Variants in EPHA6 observed in about 807,000 individuals in gnomAD.
EPHA6 encodes the protein ephrin type-A receptor 6.
EPHA6 carries 50 observed loss-of-function variants against 112.0 expected under a neutral mutation model. The ratio of observed to expected loss-of-function variants is 0.45; its 90% CI spans 0.36 to 0.56. The LOEUF (loss-of-function observed/expected upper bound fraction) is 0.56, where lower values mean the gene tolerates loss of function less well. Ranked by LOEUF, EPHA6 falls within the 20% of genes least tolerant of loss-of-function variation. The pLI is 0.00. For synonymous variants in EPHA6, 529 were observed against 490.7 expected (o/e 1.08, Z -1.03); for missense variants, 1,280 against 1,417.4 (o/e 0.90, Z 1.56).
intron 11 of EPHA6, among the ~76,000 whole-genome samples, chr3:97,543,941 T>G (rs1228732129): frequency 6.6e-6 from 1 of 152,244 alleles, no homozygotes; most frequent in African/African-American, 2.4e-5. Flanking sequence ...ACATTGATTT[T>G]GTATCCTGAG....
At chr3:97,513,384 C>A (rs1410987317) in intron 10 of EPHA6, among the ~76,000 whole-genome samples, 2 of 152,190 alleles carry the variant, frequency 1.3e-5, no homozygotes. Context: ...ATAGTTTATT[C>A]ACTATTCACA....
chr3:97,557,766 T>G (rs1296597866), intron 11 of EPHA6, among the ~76,000 whole-genome samples: 1 of 151,948 alleles, frequency 6.6e-6, no homozygotes, highest in East Asian at 1.9e-4. Context: ...CACAGGAGTT[T>G]CCATTCTCCT....
intron 10 of EPHA6, among the ~76,000 whole-genome samples, chr3:97,498,573 A>G (rs995107242): frequency 2.6e-5 from 4 of 152,134 alleles, no homozygotes; most frequent in Non-Finnish European, 4.4e-5. Flanking sequence ...CTTATATTTG[A>G]TGTATTGGCC....
At chr3:97,566,018 C>CAAAA (rs59606297) in intron 11 of EPHA6, among the ~76,000 whole-genome samples, 2 of 81,718 alleles carry the variant, frequency 2.4e-5, no homozygotes. Context: ...GACACCGTCT[C>CAAAA]AAAAAAAAAA....
intron 6 of EPHA6, among the ~76,000 whole-genome samples, chr3:97,418,054 G>A (rs948623316): frequency 2.6e-5 from 4 of 151,844 alleles, no homozygotes; most frequent in Non-Finnish European, 4.4e-5. Flanking sequence ...TGTTTGAAAA[G>A]TTTAAAAAAT....
intron 1 of EPHA6, among the ~76,000 whole-genome samples, chr3:96,817,250 T>G (rs1242762026): frequency 6.6e-6 from 1 of 151,918 alleles, no homozygotes. Context: ...GAGTAGAAAT[T>G]TTTCCTGATA....
At chr3:96,913,146 TAGTG>T (rs2039302015) in intron 2 of EPHA6, among the ~76,000 whole-genome samples, 1 of 137,818 alleles carries the variant, frequency 7.3e-6, no homozygotes, top group Non-Finnish European at 1.5e-5. Context: ...CTGGGCAACA[TAGTG>T]AGACCCCGTC....
At chr3:97,149,029 TGTGACTTTGACA>T (rs1347341715) in intron 3 of EPHA6, among the ~76,000 whole-genome samples, 2 of 152,120 alleles carry the variant, frequency 1.3e-5, no homozygotes, top group Non-Finnish European at 2.9e-5. Flanking sequence ...TATCTCACGC[TGTGACTTTGACA>T]GTCAGACTGG....
At chr3:97,185,181 A>G (rs1345187170) in intron 3 of EPHA6, among the ~76,000 whole-genome samples, 1 of 152,234 alleles carries the variant, frequency 6.6e-6, no homozygotes. Context: ...TAAAACACCA[A>G]CAGCAATGGC....
chr3:97,513,319 T>C (rs1034284813), intron 10 of EPHA6, among the ~76,000 whole-genome samples: 11 of 152,196 alleles, frequency 7.2e-5, no homozygotes, highest in African/African-American at 2.7e-4. Flanking sequence ...AGGAAATGAA[T>C]TCAGTATGTC....
chr3:97,557,357 C>T (rs1245735935), intron 11 of EPHA6, among the ~76,000 whole-genome samples: 1 of 151,854 alleles, frequency 6.6e-6, no homozygotes, highest in Non-Finnish European at 1.5e-5. Context: ...TGTGAGATGC[C>T]TGGCATTATT....
rs180999354 is a variant in EPHA6 at position 97,501,293 on chromosome 3, A to T, written c.2200+17234A>T. Among the ~76,000 whole-genome samples the T allele has an allele frequency of 1.9e-3, 286 of 151,518 alleles. 6 individuals are homozygous for T. Among genetic ancestry groups the T allele is most frequent in the African/African-American group, 6.6e-3 (271 of 40,888 alleles). ...TATAGAGATTGAGTAAAGCTGGAAG[A>T]TCTGAATGATACAATTTAAAAATTC... On this transcript the variant is annotated intron_variant, in intron 10 of 17. Coordinates refer to ENST00000389672, the MANE Select transcript of EPHA6 (RefSeq NM_001080448.3).
intron 3 of EPHA6, among the ~76,000 whole-genome samples, chr3:97,090,261 C>T (rs1430583099): frequency 6.6e-6 from 1 of 151,728 alleles, no homozygotes; most frequent in African/African-American, 2.4e-5. Flanking sequence ...GTTATTTTGA[C>T]AAGGATGTTT....
rs192529523 is a variant in EPHA6, at chr3:97,477,308, C to T, written c.2003+1848C>T. On this transcript the variant is annotated intron_variant, in intron 8 of 17. Transcript: ENST00000389672. ...TGATTATAAAAAATAAACAAAACCC[C>T]TAAACATCCTGGTGGAGGTCTAAGT... Among the ~76,000 whole-genome samples the T allele has an allele frequency of 9.0e-4, 137 of 152,194 alleles. 1 individual carries two copies. The highest frequency in any genetic ancestry group is 6.8e-3 in the Middle Eastern group (2 of 294).
intron 16 of EPHA6, among the ~76,000 whole-genome samples, chr3:97,743,312 T>C (rs1487560279): frequency 1.3e-5 from 2 of 152,088 alleles, no homozygotes; most frequent in African/African-American, 2.4e-5. Flanking sequence ...ACTCCTATAA[T>C]GTTTTCAGCA....
At chr3:97,740,166 A>G (rs2107870206) in intron 16 of EPHA6, among the ~76,000 whole-genome samples, 1 of 151,700 alleles carries the variant, frequency 6.6e-6, no homozygotes, top group South Asian at 2.1e-4. Context: ...CCTCACCCAC[A>G]TTGTCCTACA....
intron 6 of EPHA6, among the ~76,000 whole-genome samples, chr3:97,419,089 G>T (rs1197966832): frequency 2.6e-5 from 4 of 152,126 alleles, no homozygotes; most frequent in Non-Finnish European, 4.4e-5. Flanking sequence ...CGAATCACCT[G>T]AGTTCGGGAG....
intron 11 of EPHA6, among the ~76,000 whole-genome samples, chr3:97,561,140 A>G (rs1042082050): frequency 2.0e-5 from 3 of 151,942 alleles, no homozygotes; most frequent in Admixed American, 6.6e-5. Context: ...GCACAATAAG[A>G]TTGAAGTTAG....
chr3:97,389,600 G>A (rs1227434045), intron 5 of EPHA6, among the ~76,000 whole-genome samples: 1 of 151,862 alleles, frequency 6.6e-6, no homozygotes, highest in Admixed American at 6.6e-5. Flanking sequence ...GGTTTTACAA[G>A]GTTTAAAAAC....
Sources: allele counts gnomAD v4.1 joint callset (sites outside exome capture counted in the v4.1 genomes callset), GRCh38; gene constraint gnomAD v4.1.1; transcripts MANE v1.5; gene names NCBI Gene and HGNC (gene_info 2026-07-23, HGNC 2026-07-21).